Variants in ZDHHC20 observed in about 807,000 individuals in gnomAD.
ZDHHC20 encodes the protein palmitoyltransferase ZDHHC20.
Under a neutral mutation model 57.8 loss-of-function variants are expected in ZDHHC20, and 43 were observed. The ratio of observed to expected loss-of-function variants is 0.74; its 90% CI spans 0.58 to 0.96. ZDHHC20 has a LOEUF of 0.96. Ranked by LOEUF, ZDHHC20 falls within the 40% of genes least tolerant of loss-of-function variation. ZDHHC20 has a pLI of 0.00. For missense variants in ZDHHC20, 391 were observed against 441.1 expected (o/e 0.89, Z 1.02); for synonymous variants, 157 against 153.0 (o/e 1.03, Z -0.19).
At chr13:21,444,466 A>G (rs1194050976) in intron 1 of ZDHHC20, among the ~76,000 whole-genome samples, 5 of 152,210 alleles carry the variant, frequency 3.3e-5, no homozygotes, top group Non-Finnish European at 7.3e-5. Context: ...TATGTCTCAT[A>G]CTTTGATATT....
intron 4 of ZDHHC20, among the ~76,000 whole-genome samples, chr13:21,406,459 T>C (rs1878457549): frequency 1.3e-5 from 2 of 152,210 alleles, no homozygotes; most frequent in Non-Finnish European, 2.9e-5. Flanking sequence ...TAGGTATACA[T>C]GTGCCATGGT....
chr13:21,403,167 C>G (rs1037060922), intron 4 of ZDHHC20, among the ~76,000 whole-genome samples: 1 of 152,072 alleles, frequency 6.6e-6, no homozygotes, highest in Admixed American at 6.5e-5. Flanking sequence ...TAGACCAGAA[C>G]TCAAGATTTA....
chr13:21,378,870 A>G (rs904160734), intron 11 of ZDHHC20, 132 bp from the exon 12 acceptor site: 10 of 443,706 alleles, frequency 2.3e-5, no homozygotes, highest in African/African-American at 2.0e-4. Context: ...GGTGTCAACC[A>G]TTTGTCTTCT....
chr13:21,455,486 C>T (rs1247691570), intron 1 of ZDHHC20, among the ~76,000 whole-genome samples: 2 of 152,102 alleles, frequency 1.3e-5, no homozygotes, highest in African/African-American at 2.4e-5. Context: ...AAAAATCATA[C>T]GAGAATTTCA....
chr13:21,427,034 C>T (rs1022681635), intron 1 of ZDHHC20, among the ~76,000 whole-genome samples: 5 of 152,138 alleles, frequency 3.3e-5, no homozygotes, highest in South Asian at 2.1e-4. Flanking sequence ...CTTCAAGGCC[C>T]GTTTTGAATA....
At chr13:21,392,725 C>T (rs1032642636) in intron 7 of ZDHHC20, among the ~76,000 whole-genome samples, 21 of 152,140 alleles carry the variant, frequency 1.4e-4, no homozygotes, top group Admixed American at 1.0e-3. Context: ...CACCAGAACA[C>T]GAGGCTGTTC....
At chr13:21,425,522 C>G in intron 2 of ZDHHC20, 130 bp downstream of exon 2, 1 of 637,670 alleles carries the variant, frequency 1.6e-6, no homozygotes, top group South Asian at 2.4e-5. Flanking sequence ...CTTTTAATTA[C>G]TTAAAATGTA....
chr13:21,392,797 T>C (rs561854862), intron 7 of ZDHHC20, among the ~76,000 whole-genome samples: 7 of 152,340 alleles, frequency 4.6e-5, no homozygotes, highest in African/African-American at 9.6e-5. Flanking sequence ...TATTGTGACA[T>C]TGATCTTTTT....
Position 21,421,134 on chromosome 13 carries a change from T to A in ZDHHC20, c.176A>T (p.His59Leu). 2 of 1,613,238 alleles carry A rather than the reference T, an allele frequency of 1.2e-6. No individual in the cohort carries two copies. Among genetic ancestry groups the A allele is most frequent in the Non-Finnish European group, 1.7e-6 (2 of 1,179,666 alleles). ...GKTVVYLVAF[H>L]LFFVMFVWSY... ...CCATACAAACATAACAAAGAACAGA[T>A]GGAAAGCCACAAGGTAAACAACGGT... The change falls in exon 3 of 13, where the codon CAT (histidine) becomes CTT (leucine). Residue 59 changes from histidine (H) to leucine (L), a missense_variant. His to Leu is a moderately conservative substitution (Grantham distance 99). Coordinates refer to ENST00000400590, the MANE Select transcript of ZDHHC20 (RefSeq NM_001330059.2).
intron 1 of ZDHHC20, among the ~76,000 whole-genome samples, chr13:21,452,136 T>C (rs761806212): frequency 6.6e-6 from 1 of 152,194 alleles, no homozygotes; most frequent in African/African-American, 2.4e-5. Flanking sequence ...ATTCCAGTTA[T>C]ATGGGATGTT....
intron 1 of ZDHHC20, among the ~76,000 whole-genome samples, chr13:21,440,669 GAAA>G (rs1254110397): frequency 1.6e-3 from 177 of 113,578 alleles, no homozygotes; most frequent in African/African-American, 4.8e-3. Flanking sequence ...TATGACAAAA[GAAA>G]GATTTTATCC....
chr13:21,455,052 C>A (rs951155455), intron 1 of ZDHHC20, among the ~76,000 whole-genome samples: 1 of 152,182 alleles, frequency 6.6e-6, no homozygotes, highest in Non-Finnish European at 1.5e-5. Flanking sequence ...TCCCGAGTAG[C>A]TGGGACTACA....
chr13:21,453,073 C>G (rs1458012538), intron 1 of ZDHHC20, among the ~76,000 whole-genome samples: 2 of 152,052 alleles, frequency 1.3e-5, no homozygotes, highest in African/African-American at 4.8e-5. Context: ...ATGCTCTTTA[C>G]GAGAATTACA....
chr13:21,425,575 C>T lies in ZDHHC20; in HGVS notation c.145+77G>A, dbSNP rs80351839. ...TCTAAAAAACAAAAACACATGCATT[C>T]ATCACTAAATAAAAAGTATGTTCCA... On this transcript the variant is annotated intron_variant, in intron 2 of 12. Transcript: ENST00000400590. The T allele has an allele frequency of 1.8e-3, 1,885 of 1,038,370 alleles. 29 individuals are homozygous for T. The African/African-American group carries it at 0.029, about 16-fold the overall frequency. 64.3% of individuals were successfully genotyped at this position (1,038,370 alleles called of 1,614,324 possible).
intron 9 of ZDHHC20, among the ~76,000 whole-genome samples, chr13:21,386,149 T>G (rs751112737): frequency 2.0e-5 from 3 of 152,148 alleles, no homozygotes; most frequent in Non-Finnish European, 4.4e-5. Context: ...ATCGATGAAC[T>G]TGAAGATACA....
rs1266711735 is a variant in ZDHHC20, at chr13:21,372,923, A to C, written c.*3773T>G. 6.6e-6 allele frequency: 1 copy of C among 152,222 alleles called. No homozygotes were observed. Among genetic ancestry groups the C allele is most frequent in the East Asian group, 1.9e-4 (1 of 5,204 alleles). 9.4% of individuals were successfully genotyped at this position (152,222 alleles called of 1,614,324 possible). A position where few individuals can be genotyped will look rare whatever the true frequency, so the allele number is the denominator to read the frequency against. On this transcript the variant is annotated 3_prime_UTR_variant, in exon 13 of 13. Transcript: ENST00000400590. ...TTTCTTCATCTTTTAATACAAGTAC[A>C]ATTCCTTGCTTCTTTATGCAACCTA...
chr13:21,395,913 C>A (rs1876712650), intron 7 of ZDHHC20, among the ~76,000 whole-genome samples: 1 of 152,146 alleles, frequency 6.6e-6, no homozygotes, highest in Non-Finnish European at 1.5e-5. Context: ...AAACCACTCA[C>A]CCAGGAGCAC....
At chr13:21,398,463 CA>C (rs533339364) in intron 7 of ZDHHC20, among the ~76,000 whole-genome samples, 190 of 98,166 alleles carry the variant, frequency 1.9e-3, no homozygotes, top group Admixed American at 2.5e-3. Flanking sequence ...GACTCCGTCT[CA>C]AAAAAAAAAA....
chr13:21,414,754 C>T (rs376673596), intron 3 of ZDHHC20, among the ~76,000 whole-genome samples: 11 of 151,408 alleles, frequency 7.3e-5, no homozygotes, highest in South Asian at 6.2e-4. Flanking sequence ...TAGCATTTTC[C>T]CTTCAGAGTA....
Sources: gnomAD v4.1 joint callset for allele counts (sites outside exome capture counted in the v4.1 genomes callset) on GRCh38, gnomAD v4.1.1 for gene constraint, MANE v1.5 for transcripts, NCBI Gene and HGNC (gene_info 2026-07-23, HGNC 2026-07-21) for gene names.